SUPT6H: variants seen among roughly 807,000 people sequenced by gnomAD.
SUPT6H encodes the protein transcription elongation factor SPT6.
A neutral mutation model predicts 222.3 loss-of-function variants in SUPT6H; 11 were observed. The observed-to-expected ratio is 0.05, with a 90% CI of 0.03 to 0.08. SUPT6H has a LOEUF of 0.08. Among genes scored for constraint, SUPT6H ranks in the 10% least tolerant of loss-of-function variants. SUPT6H has a pLI of 1.00. For missense variants in SUPT6H, 1,422 were observed against 2,216.0 expected (o/e 0.64, Z 7.19); for synonymous variants, 762 against 801.2 (o/e 0.95, Z 0.83).
chr17:28,685,441 G>C (rs1301538811), intron 19 of SUPT6H, among the ~76,000 whole-genome samples: 1 of 150,484 alleles, frequency 6.6e-6, no homozygotes, highest in Non-Finnish European at 1.5e-5. Context: ...AACTTCTTAA[G>C]AAACAACTAT....
Position 28,687,417 on chromosome 17 carries a change from C to G in SUPT6H, c.2952C>G (p.Ala984=), listed in dbSNP as rs747212157. 6.2e-7 allele frequency: 1 copy of G among 1,614,092 alleles called. No homozygotes were observed. ...NRAIAHPYSQ[A]LIQYVCGLGP... ...CCATTGCCCACCCTTACAGCCAGGC[C>G]TTGATCCAGTATGTTTGTGGCCTGG... The change falls in exon 23 of 37, where the codon GCC becomes GCG. Residue 984 remains alanine (A), a synonymous_variant. Coordinates refer to ENST00000314616, the MANE Select transcript of SUPT6H (RefSeq NM_003170.5).
At chr17:28,684,522 C>T in intron 17 of SUPT6H, 64 bp from the exon 18 acceptor site, 1 of 1,597,232 alleles carries the variant, frequency 6.3e-7, no homozygotes, top group East Asian at 2.2e-5. Flanking sequence ...CCATAGCACT[C>T]TTGGTGAGCC....
Position 28,678,254 on chromosome 17 carries a change from A to G in SUPT6H, c.1116+62A>G. The G allele has an allele frequency of 2.8e-6, 4 of 1,440,352 alleles. No homozygotes were observed. In the South Asian group the frequency reaches 4.7e-5, roughly 17 times the overall value. The allele number at this position is 1,440,352 out of a possible 1,614,324, so 89.2% of individuals were successfully genotyped here. A position where few individuals can be genotyped will look rare whatever the true frequency, so the allele number is the denominator to read the frequency against. Reference sequence around the variant, plus strand: ...ATTTAGTTAGGGGATGAGGGAAAAGATAATTACCTAAATGAGGTGGGAGCC... The same window carrying G: ...ATTTAGTTAGGGGATGAGGGAAAAGGTAATTACCTAAATGAGGTGGGAGCC... On this transcript the variant is annotated intron_variant, in intron 9 of 36. Transcript: ENST00000314616.
At chr17:28,700,677 G>T in intron 35 of SUPT6H, 165 bp downstream of exon 35, 1 of 1,050,788 alleles carries the variant, frequency 9.5e-7, no homozygotes, top group South Asian at 1.6e-5. Flanking sequence ...GGGGAAGAGG[G>T]TAAGAGAGGG....
chr17:28,676,212 G>A lies in SUPT6H; in HGVS notation c.679G>A (p.Glu227Lys), dbSNP rs1382972590. 2 of 1,612,032 alleles carry A rather than the reference G, an allele frequency of 1.2e-6. No individual in the cohort carries two copies. The highest frequency in any genetic ancestry group is 2.2e-5 in the East Asian group (1 of 44,890). The stretch of plus-strand genomic sequence containing the variant: ...TGTGGACTTTGACTATGATGAATTT[G>A]AGAAATACAATGAGTATGATGAAGA... The part of the protein sequence containing the change: ...FGVDFDYDEF[E>K]KYNEYDEELE... Residue 227 changes from glutamate (E) to lysine (K), a missense_variant, in exon 7 of 37, where the codon GAG (glutamate) becomes AAG (lysine). Physicochemically the swap from Glu to Lys is moderately conservative, Grantham distance 56. This residue lies in a region of SUPT6H where 389 missense variants were observed against 544.6 expected (regional missense o/e 0.71). Transcript: ENST00000314616.
At chr17:28,694,176 G>A (rs1466995584) in intron 28 of SUPT6H, among the ~76,000 whole-genome samples, 1 of 152,216 alleles carries the variant, frequency 6.6e-6, no homozygotes, top group African/African-American at 2.4e-5. Context: ...CCCAAGACCA[G>A]GCATCAGCGC....
intron 1 of SUPT6H, among the ~76,000 whole-genome samples, chr17:28,666,049 G>A (rs2029990961): frequency 6.6e-6 from 1 of 152,116 alleles, no homozygotes; most frequent in African/African-American, 2.4e-5. Flanking sequence ...CCTCTCCTGG[G>A]CCTTCTCTGT....
At chr17:28,676,079 G>A in intron 6 of SUPT6H, 78 bp from the exon 7 acceptor site, 3 of 1,481,210 alleles carry the variant, frequency 2.0e-6, no homozygotes, top group Non-Finnish European at 2.7e-6. Flanking sequence ...CTTGGGACAA[G>A]TAAAGGATCT....
At chr17:28,674,193 C>T in intron 2 of SUPT6H, 90 bp from the exon 3 acceptor site, 1 of 1,516,648 alleles carries the variant, frequency 6.6e-7, no homozygotes, top group Non-Finnish European at 8.9e-7. Flanking sequence ...TCATTAGGTG[C>T]AGAGCAAATG....
chr17:28,686,309 C>G, intron 19 of SUPT6H, 30 bp from the exon 20 acceptor site: 1 of 1,596,994 alleles, frequency 6.3e-7, no homozygotes, highest in Non-Finnish European at 8.6e-7. Flanking sequence ...ATCCTCAGAG[C>G]CATTCAGCTT....
intron 32 of SUPT6H, among the ~76,000 whole-genome samples, chr17:28,699,271 G>C (rs573220431): frequency 9.2e-5 from 14 of 152,146 alleles, no homozygotes; most frequent in Non-Finnish European, 1.8e-4. Flanking sequence ...TTGGTGCAGC[G>C]TGTCATATGT....
At chr17:28,695,206 T>G (rs1416278613) in intron 28 of SUPT6H, 146 bp from the exon 29 acceptor site, 1 of 744,358 alleles carries the variant, frequency 1.3e-6, no homozygotes, top group Non-Finnish European at 2.2e-6. Context: ...AAACTCCCAG[T>G]CTGCCATTCA....
chr17:28,667,838 A>C (rs75711773), intron 1 of SUPT6H, among the ~76,000 whole-genome samples: 266 of 151,558 alleles, frequency 1.8e-3, no homozygotes, highest in Non-Finnish European at 3.1e-3. Context: ...AAGACTGTGA[A>C]CTCCACCGGG....
chr17:28,671,903 T>C (rs2030436967), intron 1 of SUPT6H, among the ~76,000 whole-genome samples: 3 of 152,250 alleles, frequency 2.0e-5, no homozygotes, highest in South Asian at 4.1e-4. Context: ...AGTTTATGTT[T>C]AGCCCGTAGG....
Position 28,688,346 on chromosome 17 carries a change from A to G in SUPT6H, c.3134+128A>G, listed in dbSNP as rs972512504. ...TAGGAAATGTTTTAAAGAAAAGGTA[A>G]GGAACTTTATTCAGTCAAGAGCCCC... is the stretch of plus-strand genomic sequence containing the variant. On this transcript the variant is annotated intron_variant, in intron 24 of 36. Transcript: ENST00000314616. The surrounding 1 kb of genome is among the most constrained non-coding windows in gnomAD (Gnocchi z 4.3). 1.1e-4 allele frequency: 138 copies of G among 1,273,014 alleles called. No individual in the cohort carries two copies. Among genetic ancestry groups the G allele is most frequent in the Non-Finnish European group, 1.3e-4 (128 of 952,196 alleles). 78.9% of individuals were successfully genotyped at this position (1,273,014 alleles called of 1,614,324 possible).
In SUPT6H at chr17:28,671,757, G is replaced by A. The variant is rs112803138; in HGVS notation, c.-31-1614G>A. On this transcript the variant is annotated intron_variant, in intron 1 of 36. Coordinates refer to ENST00000314616, the MANE Select transcript of SUPT6H (RefSeq NM_003170.5). ...GGCTCAGGATTCAAATTCAAACTCA[G>A]GTTAACCCATCTTGAAACAATAGGT... is the stretch of plus-strand genomic sequence containing the variant. 2.2e-3 allele frequency among the ~76,000 whole-genome samples: 335 copies of A among 152,264 alleles called. 3 individuals carry two copies. Among genetic ancestry groups the A allele is most frequent in the African/African-American group, 7.2e-3 (298 of 41,544 alleles).
intron 1 of SUPT6H, among the ~76,000 whole-genome samples, chr17:28,668,031 A>T (rs2030190069): frequency 6.6e-6 from 1 of 152,022 alleles, no homozygotes. Flanking sequence ...AAAGGGAGGG[A>T]CTGCAGAGGG....
In SUPT6H at chr17:28,679,003, A is replaced by T. The variant is rs544006982; in HGVS notation, c.1349+40A>T. On this transcript the variant is annotated intron_variant, in intron 11 of 36. Transcript: ENST00000314616. The stretch of plus-strand genomic sequence containing the variant: ...GTTTATTCCATTATGGGAAGCCCTC[A>T]GACCCCAAGGCTGGCCCTGCAGGAG... 7.4e-6 allele frequency: 12 copies of T among 1,613,314 alleles called. No individual in the cohort carries two copies. In the South Asian group the frequency reaches 1.3e-4, roughly 18 times the overall value.
chr17:28,681,954 A>C lies in SUPT6H; in HGVS notation c.1571A>C (p.Tyr524Ser). Reference protein sequence around the residue: ...ELKQASRRDMYTICQSAGLDG... With the variant: ...ELKQASRRDMSTICQSAGLDG... ...AAGCAAGCCTCTCGCCGAGACATGT[A>C]CACCATCTGCCAGAGTGCTGGGCTA... The change falls in exon 13 of 37, where the codon TAC (tyrosine) becomes TCC (serine). Residue 524 changes from tyrosine to serine, a missense_variant. Physicochemically the swap from Tyr to Ser is moderately radical, Grantham distance 144 (BLOSUM62 -2). This residue lies in a region of SUPT6H where 389 missense variants were observed against 544.6 expected (regional missense o/e 0.71). Coordinates refer to ENST00000314616, the MANE Select transcript of SUPT6H (RefSeq NM_003170.5). The C allele has an allele frequency of 6.2e-7, 1 of 1,607,954 alleles. No individual in the cohort carries two copies. Among genetic ancestry groups the C allele is most frequent in the Non-Finnish European group, 8.5e-7 (1 of 1,178,238 alleles).
Sources: allele counts gnomAD v4.1 joint callset (sites outside exome capture counted in the v4.1 genomes callset), GRCh38; gene constraint gnomAD v4.1.1; regional missense constraint gnomAD v4.1.1; non-coding constraint Gnocchi (gnomAD v3.1); transcripts MANE v1.5; gene names NCBI Gene and HGNC (gene_info 2026-07-23, HGNC 2026-07-21).